PLCB1: variants seen among roughly 807,000 people sequenced by gnomAD.
The protein encoded by PLCB1 is phospholipase C beta 1, also known as 1-phosphatidylinositol 4,5-bisphosphate phosphodiesterase beta-1.
In PLCB1, 46 loss-of-function variants were observed where a neutral mutation model predicts 161.8. The ratio of observed to expected loss-of-function variants is 0.28; its 90% CI spans 0.22 to 0.36. The LOEUF (loss-of-function observed/expected upper bound fraction) is 0.36. Ranked by LOEUF, PLCB1 falls within the 10% of genes least tolerant of loss-of-function variation. The pLI is 1.00. For missense variants in PLCB1, 1,016 were observed against 1,472.5 expected (o/e 0.69, Z 5.07); for synonymous variants, 517 against 503.7 (o/e 1.03, Z -0.35).
At chr20:8,761,222 G>A (rs1032939825) in intron 25 of PLCB1, among the ~76,000 whole-genome samples, 3 of 152,158 alleles carry the variant, frequency 2.0e-5, no homozygotes, top group Non-Finnish European at 4.4e-5. Context: ...ATATTCTGTA[G>A]GATTCCATAT....
At chr20:8,781,408 AC>A (rs1983222422) in intron 27 of PLCB1, among the ~76,000 whole-genome samples, 2 of 21,584 alleles carry the variant, frequency 9.3e-5, no homozygotes, top group Non-Finnish European at 1.5e-4. Context: ...ACACACACAC[AC>A]ACACACAAAC....
intron 2 of PLCB1, among the ~76,000 whole-genome samples, chr20:8,255,698 A>C (rs1217466363): frequency 6.6e-6 from 1 of 151,990 alleles, no homozygotes; most frequent in Non-Finnish European, 1.5e-5. Flanking sequence ...AAATAAATTA[A>C]GCTTATATAA....
chr20:8,198,026 T>C (rs1029243489), intron 2 of PLCB1, among the ~76,000 whole-genome samples: 1 of 152,166 alleles, frequency 6.6e-6, no homozygotes, highest in Non-Finnish European at 1.5e-5. Context: ...TATATCTCTA[T>C]TTTGGTAAGA....
intron 2 of PLCB1, among the ~76,000 whole-genome samples, chr20:8,221,786 CAG>C (rs140353948): frequency 0.011 from 1,661 of 152,240 alleles, 41 homozygotes; most frequent in African/African-American, 0.038. Flanking sequence ...AAAATTTACA[CAG>C]AGTTTCAATA....
intron 27 of PLCB1, among the ~76,000 whole-genome samples, chr20:8,780,924 G>T (rs746413874): frequency 1.3e-5 from 2 of 152,170 alleles, no homozygotes; most frequent in Non-Finnish European, 2.9e-5. Context: ...TTTAATGAAA[G>T]CCTTTTTCTG....
At chr20:8,268,431 G>A (rs1255944303) in intron 2 of PLCB1, among the ~76,000 whole-genome samples, 1 of 152,162 alleles carries the variant, frequency 6.6e-6, no homozygotes, top group Non-Finnish European at 1.5e-5. Flanking sequence ...AAACATACGT[G>A]TGCATGTGTC....
chr20:8,701,320 TG>T (rs1193348888), intron 11 of PLCB1, among the ~76,000 whole-genome samples: 3 of 152,214 alleles, frequency 2.0e-5, no homozygotes, highest in African/African-American at 7.2e-5. Flanking sequence ...TGTGCCAGGC[TG>T]GCCCCGCCTC....
intron 9 of PLCB1, among the ~76,000 whole-genome samples, chr20:8,674,106 G>A (rs1460498053): frequency 6.6e-6 from 1 of 152,164 alleles, no homozygotes; most frequent in Admixed American, 6.5e-5. Context: ...TCCTTCAAGG[G>A]AAACACAAAC....
At chr20:8,714,118 C>G (rs559098172) in intron 12 of PLCB1, among the ~76,000 whole-genome samples, 2 of 152,192 alleles carry the variant, frequency 1.3e-5, no homozygotes, top group East Asian at 1.9e-4. Flanking sequence ...TAATCAATCG[C>G]AGTGGTTTTC....
intron 2 of PLCB1, among the ~76,000 whole-genome samples, chr20:8,159,450 C>CA (rs1272478764): frequency 6.6e-5 from 10 of 152,122 alleles, no homozygotes; most frequent in Non-Finnish European, 1.2e-4. Context: ...GAGGGGCTGC[C>CA]ATGAAGACAT....
intron 3 of PLCB1, among the ~76,000 whole-genome samples, chr20:8,383,365 T>A (rs1987323362): frequency 6.6e-6 from 1 of 152,224 alleles, no homozygotes; most frequent in African/African-American, 2.4e-5. Flanking sequence ...TTTTCTTTTT[T>A]CTTTTGGCTT....
chr20:8,699,840 C>A (rs1172661281), intron 11 of PLCB1, among the ~76,000 whole-genome samples: 1 of 152,062 alleles, frequency 6.6e-6, no homozygotes, highest in East Asian at 1.9e-4. Context: ...AAAATAGCAC[C>A]CTTCACTTAA....
chr20:8,817,191 A>G (rs753574642), intron 31 of PLCB1, among the ~76,000 whole-genome samples: 2 of 152,348 alleles, frequency 1.3e-5, no homozygotes, highest in African/African-American at 2.4e-5. Context: ...AAAACTCTGT[A>G]TAACTTTTTA....
At position 8,832,386 on chromosome 20, in the gene PLCB1, A is replaced by C. The variant is rs867128489; in HGVS notation, c.3423+42125A>C. Among the ~76,000 whole-genome samples the C allele has an allele frequency of 6.6e-5, 10 of 152,308 alleles. 1 individual carries two copies. Among genetic ancestry groups the C allele is most frequent in the Middle Eastern group, 3.4e-3 (1 of 294 alleles). On this transcript the variant is annotated intron_variant, in intron 31 of 31. Coordinates refer to ENST00000338037, the MANE Select transcript of PLCB1 (RefSeq NM_015192.4). ...CCATTATAATACTTTAAACTAATTA[A>C]ATTTCATTTAAAAGTTTCAAGCTTC...
intron 2 of PLCB1, among the ~76,000 whole-genome samples, chr20:8,352,214 G>T (rs892642623): frequency 6.6e-6 from 1 of 152,120 alleles, no homozygotes; most frequent in Non-Finnish European, 1.5e-5. Flanking sequence ...ATAATGCTAA[G>T]TGATATAAGT....
chr20:8,274,480 C>T (rs777837486), intron 2 of PLCB1, among the ~76,000 whole-genome samples: 9 of 150,830 alleles, frequency 6.0e-5, no homozygotes, highest in Admixed American at 3.3e-4. Context: ...TTACTTGTGT[C>T]GTTTTTTTTT....
chr20:8,622,929 TAGC>T (rs11470186), intron 3 of PLCB1, among the ~76,000 whole-genome samples: 21,860 of 152,098 alleles, frequency 0.14, 1,552 homozygotes, highest in Middle Eastern at 0.21. Context: ...AAATAGGTAA[TAGC>T]AGCATTTTCC....
At chr20:8,834,167 AT>A (rs1986161840) in intron 31 of PLCB1, among the ~76,000 whole-genome samples, 1 of 152,188 alleles carries the variant, frequency 6.6e-6, no homozygotes, top group African/African-American at 2.4e-5. Flanking sequence ...ATGAACAAAA[AT>A]CCCTGCTCCC....
At chr20:8,540,806 T>TG (rs1329743412) in intron 3 of PLCB1, among the ~76,000 whole-genome samples, 1 of 152,156 alleles carries the variant, frequency 6.6e-6, no homozygotes, top group Non-Finnish European at 1.5e-5. Context: ...GACCTACAAT[T>TG]GATCTATTGA....
Sources: allele counts gnomAD v4.1 joint callset (sites outside exome capture counted in the v4.1 genomes callset), GRCh38; gene constraint gnomAD v4.1.1; transcripts MANE v1.5; gene names NCBI Gene and HGNC (gene_info 2026-07-23, HGNC 2026-07-21).